LATS2: variants seen among roughly 807,000 people sequenced by gnomAD.
LATS2 encodes large tumor suppressor kinase 2.
A neutral mutation model predicts 76.0 loss-of-function variants in LATS2; 24 were observed. The observed-to-expected ratio is 0.32, with a 90% CI of 0.23 to 0.44. LATS2 has a LOEUF of 0.44. Ranked by LOEUF, LATS2 falls within the 20% of genes least tolerant of loss-of-function variation. The pLI is 1.00. For missense variants in LATS2, 1,286 were observed against 1,481.2 expected (o/e 0.87, Z 2.16); for synonymous variants, 692 against 635.4 (o/e 1.09, Z -1.34).
chr13:21,058,813 C>T (rs1241150147), intron 1 of LATS2, among the ~76,000 whole-genome samples: 1 of 152,130 alleles, frequency 6.6e-6, no homozygotes, highest in African/African-American at 2.4e-5. Context: ...GCCTTCTATA[C>T]CTGCATGAGA....
At chr13:21,039,340 T>C (rs918276360) in intron 2 of LATS2, among the ~76,000 whole-genome samples, 15 of 152,226 alleles carry the variant, frequency 9.9e-5, no homozygotes, top group African/African-American at 2.9e-4. Flanking sequence ...GAAATGTACA[T>C]GTTATCTAAA....
At chr13:21,003,697 C>T (rs1163657599) in intron 2 of LATS2, among the ~76,000 whole-genome samples, 1 of 152,042 alleles carries the variant, frequency 6.6e-6, no homozygotes, top group African/African-American at 2.4e-5. Context: ...CCACCTCGGC[C>T]TCCCAAAGTG....
chr13:20,982,669 C>T (rs1595211418), intron 5 of LATS2, among the ~76,000 whole-genome samples: 1 of 152,182 alleles, frequency 6.6e-6, no homozygotes, highest in East Asian at 1.9e-4. Context: ...CCCACAAAGG[C>T]CCCGTGACAC....
intron 1 of LATS2, among the ~76,000 whole-genome samples, chr13:21,047,612 G>T (rs1163542392): frequency 3.9e-5 from 6 of 152,032 alleles, no homozygotes; most frequent in Admixed American, 1.3e-4. Context: ...CTCTAAACGG[G>T]GATGGGCAGA....
chr13:21,003,899 T>C (rs1357999135), intron 2 of LATS2, among the ~76,000 whole-genome samples: 3 of 152,304 alleles, frequency 2.0e-5, no homozygotes, highest in African/African-American at 7.2e-5. Flanking sequence ...AATAATCTTA[T>C]ATCTTTTAAG....
intron 2 of LATS2, among the ~76,000 whole-genome samples, chr13:21,036,732 C>T (rs1872693626): frequency 6.6e-6 from 1 of 152,150 alleles, no homozygotes; most frequent in Non-Finnish European, 1.5e-5. Context: ...AAGATGGCAC[C>T]ACTGCACTCC....
At chr13:21,052,978 T>C (rs1017765164) in intron 1 of LATS2, among the ~76,000 whole-genome samples, 1 of 152,090 alleles carries the variant, frequency 6.6e-6, no homozygotes, top group African/African-American at 2.4e-5. Flanking sequence ...GGCTCACGCC[T>C]GTAATCCCAG....
chr13:20,988,291 C>A lies in LATS2; in HGVS notation c.1489G>T (p.Ala497Ser), dbSNP rs1272435576. Residue 497 changes from alanine to serine, a missense_variant, in exon 4 of 8, where the codon GCA becomes TCA. Coordinates refer to ENST00000382592, the MANE Select transcript of LATS2 (RefSeq NM_014572.3). ...TCCACGTCCAGCGGGAAGGCGCCTGCGCCGCCCAGCGCCAGGGCATGCTCC... is the reference window on the plus strand; with the variant it reads ...TCCACGTCCAGCGGGAAGGCGCCTGAGCCGCCCAGCGCCAGGGCATGCTCC... ...KEEHALALGG[A>S]GAFPLDVEYG... The A allele has an allele frequency of 3.8e-6, 6 of 1,579,248 alleles. No individual in the cohort carries two copies. Among genetic ancestry groups the A allele is most frequent in the Non-Finnish European group, 5.1e-6 (6 of 1,171,666 alleles).
At chr13:21,028,472 T>A (rs1872399796) in intron 2 of LATS2, among the ~76,000 whole-genome samples, 1 of 152,218 alleles carries the variant, frequency 6.6e-6, no homozygotes, top group African/African-American at 2.4e-5. Flanking sequence ...TTTAATGTGA[T>A]CAGCAATGCT....
intron 3 of LATS2, among the ~76,000 whole-genome samples, chr13:20,990,955 C>T (rs1870481762): frequency 2.0e-5 from 3 of 152,246 alleles, no homozygotes; most frequent in Admixed American, 2.0e-4. Context: ...TTTTTACGCC[C>T]GCTTTGCTGA....
rs1870013682 is a variant in LATS2 at position 20,983,730 on chromosome 13, T to C, written c.1976A>G (p.Lys659Arg). The C allele has an allele frequency of 1.2e-6, 2 of 1,614,152 alleles. No individual in the cohort carries two copies. Among genetic ancestry groups the C allele is most frequent in the African/African-American group, 2.7e-5 (2 of 75,034 alleles). Reference sequence around the variant, plus strand: ...CATAGACTTGTCCATCTTGGCCCTCTTTAACCTGTTGTAATTAGACTCTTT... The same window carrying C: ...CATAGACTTGTCCATCTTGGCCCTCCTTAACCTGTTGTAATTAGACTCTTT... ...YQKESNYNRL[K>R]RAKMDKSMFV... is the part of the protein sequence containing the mutation. The change falls in exon 5 of 8, where the codon AAG becomes AGG. Residue 659 changes from lysine (K) to arginine (R), a missense_variant. Coordinates refer to ENST00000382592, the MANE Select transcript of LATS2 (RefSeq NM_014572.3).
Position 20,988,057 on chromosome 13 carries a change from T to A in LATS2, c.1723A>T (p.Thr575Ser). 1 of 1,614,104 alleles carries A rather than the reference T, an allele frequency of 6.2e-7. No individual in the cohort carries two copies. Residue 575 changes from threonine (T) to serine (S), a missense_variant, in exon 4 of 8, where the codon ACC becomes TCC. Thr to Ser is a moderately conservative substitution (Grantham distance 58, BLOSUM62 1). Coordinates refer to ENST00000382592, the MANE Select transcript of LATS2 (RefSeq NM_014572.3). Reference sequence around the variant, plus strand: ...TTTTTGCGGACGGGAACGGGAGAGGTCTGAATCTGCTTTTTATCCTTTCCG... The same window carrying A: ...TTTTTGCGGACGGGAACGGGAGAGGACTGAATCTGCTTTTTATCCTTTCCG... ...KGGKDKKQIQ[T>S]SPVPVRKNSR...
At position 20,988,177 on chromosome 13, in the gene LATS2, T is replaced by C. The variant is rs1870258604; in HGVS notation, c.1603A>G (p.Ser535Gly). 5.0e-6 allele frequency: 8 copies of C among 1,613,722 alleles called. No individual in the cohort carries two copies. Among genetic ancestry groups the C allele is most frequent in the Non-Finnish European group, 6.8e-6 (8 of 1,179,946 alleles). The change falls in exon 4 of 8, where the codon AGC (serine) becomes GGC (glycine). Residue 535 changes from serine (S) to glycine (G), a missense_variant. Ser to Gly is a moderately conservative substitution (Grantham distance 56). Coordinates refer to ENST00000382592, the MANE Select transcript of LATS2 (RefSeq NM_014572.3). The stretch of plus-strand genomic sequence containing the variant: ...CTCTGCTCCATGCCTGCGCACAGGC[T>C]GTCCAGGTCGTACTGCTCCGACTTG... ...RSKSEQYDLD[S>G]LCAGMEQSLR...
chr13:20,976,898 T>C (rs1375211434), intron 7 of LATS2, among the ~76,000 whole-genome samples: 1 of 152,140 alleles, frequency 6.6e-6, no homozygotes, highest in Admixed American at 6.5e-5. Context: ...CTCAAAAAGT[T>C]AAACACAGAA....
At chr13:20,975,889 G>A (rs1303119600) in intron 7 of LATS2, among the ~76,000 whole-genome samples, 1 of 152,138 alleles carries the variant, frequency 6.6e-6, no homozygotes, top group Non-Finnish European at 1.5e-5. Context: ...TCACCACGTT[G>A]GCCAGGCTAG....
At chr13:21,017,081 C>T (rs561700164) in intron 2 of LATS2, among the ~76,000 whole-genome samples, 1 of 152,326 alleles carries the variant, frequency 6.6e-6, no homozygotes, top group African/African-American at 2.4e-5. Context: ...ACCCAGATTT[C>T]TAAGGACTGG....
At chr13:21,041,131 C>T (rs1371104891) in intron 2 of LATS2, among the ~76,000 whole-genome samples, 2 of 152,132 alleles carry the variant, frequency 1.3e-5, no homozygotes, top group Non-Finnish European at 2.9e-5. Flanking sequence ...CGCCACCATG[C>T]CCGGCTAATT....
intron 1 of LATS2, among the ~76,000 whole-genome samples, chr13:21,056,180 AG>A: frequency 6.6e-6 from 1 of 151,922 alleles, no homozygotes; most frequent in Non-Finnish European, 1.5e-5. Context: ...CTGGTTGCCC[AG>A]GCTGGAGTGC....
intron 1 of LATS2, among the ~76,000 whole-genome samples, chr13:21,058,547 AC>A (rs768008944): frequency 1.6e-4 from 25 of 152,116 alleles, no homozygotes; most frequent in Non-Finnish European, 3.1e-4. Context: ...CCTCCCACCA[AC>A]CCTGTGATTT....
Sources: allele counts gnomAD v4.1 joint callset (sites outside exome capture counted in the v4.1 genomes callset), GRCh38; gene constraint gnomAD v4.1.1; transcripts MANE v1.5; gene names NCBI Gene and HGNC (gene_info 2026-07-23, HGNC 2026-07-21).